MACROD2: variants seen among roughly 807,000 people sequenced by gnomAD.
MACROD2 encodes the protein ADP-ribose glycohydrolase MACROD2.
MACROD2 carries 36 observed loss-of-function variants against 70.4 expected under a neutral mutation model. The observed-to-expected ratio is 0.51, with a 90% CI of 0.39 to 0.68. The LOEUF is 0.68. MACROD2 is among the 30% of genes least tolerant of loss of function. The pLI, the probability that MACROD2 is intolerant of heterozygous loss-of-function variation, is 0.00. For synonymous variants in MACROD2, 172 were observed against 178.8 expected (o/e 0.96, Z 0.30); for missense variants, 496 against 538.4 (o/e 0.92, Z 0.78).
chr20:14,526,954 T>A (rs1788081844), intron 4 of MACROD2, among the ~76,000 whole-genome samples: 1 of 152,256 alleles, frequency 6.6e-6, no homozygotes, highest in Admixed American at 6.5e-5. Context: ...ATCCTGGGAC[T>A]CTTGCCTTGG....
intron 8 of MACROD2, among the ~76,000 whole-genome samples, chr20:15,826,365 A>G (rs1208494525): frequency 6.6e-6 from 1 of 152,182 alleles, no homozygotes; most frequent in African/African-American, 2.4e-5. Context: ...CTGAAAACAT[A>G]CTATGTGCTA....
intron 8 of MACROD2, among the ~76,000 whole-genome samples, chr20:15,795,537 A>G (rs1749417533): frequency 2.0e-5 from 3 of 152,104 alleles, no homozygotes; most frequent in African/African-American, 4.8e-5. Context: ...AGTGAATGCC[A>G]GCCGGGAATC....
chr20:15,885,896 ACAAAATAAG>A, intron 10 of MACROD2, 85 bp downstream of exon 10: 4 of 1,322,168 alleles, frequency 3.0e-6, no homozygotes, highest in Non-Finnish European at 4.0e-6. Flanking sequence ...TCAACGAAAG[ACAAAATAAG>A]ATTAATAAAA....
chr20:15,347,547 T>C (rs1024312063), intron 6 of MACROD2, among the ~76,000 whole-genome samples: 1 of 152,184 alleles, frequency 6.6e-6, no homozygotes, highest in African/African-American at 2.4e-5. Flanking sequence ...TTTCCCATGG[T>C]ACACATCATC....
At chr20:15,740,620 A>G (rs994560683) in intron 8 of MACROD2, among the ~76,000 whole-genome samples, 1 of 151,524 alleles carries the variant, frequency 6.6e-6, no homozygotes. Flanking sequence ...CTGCCACTCT[A>G]TTTGCCATTT....
chr20:15,227,790 C>T (rs574212377), intron 5 of MACROD2, among the ~76,000 whole-genome samples: 2 of 132,204 alleles, frequency 1.5e-5, no homozygotes, highest in South Asian at 2.5e-4. Context: ...TGAAGTCTTG[C>T]AGTAAGGTAA....
chr20:14,935,861 C>G (rs1346173929), intron 5 of MACROD2, among the ~76,000 whole-genome samples: 2 of 152,138 alleles, frequency 1.3e-5, no homozygotes, highest in Non-Finnish European at 2.9e-5. Context: ...TTTGTATTTT[C>G]TCTGTGTTGT....
At chr20:15,009,384 T>C (rs940477386) in intron 5 of MACROD2, among the ~76,000 whole-genome samples, 1 of 152,202 alleles carries the variant, frequency 6.6e-6, no homozygotes, top group Admixed American at 6.6e-5. Context: ...TGTGGGATTA[T>C]GGAAGCTTCT....
chr20:15,304,666 G>C (rs988695818), intron 6 of MACROD2, among the ~76,000 whole-genome samples: 1 of 152,068 alleles, frequency 6.6e-6, no homozygotes, highest in African/African-American at 2.4e-5. Flanking sequence ...AAAAGGACTG[G>C]CTCTCTAGCT....
intron 3 of MACROD2, among the ~76,000 whole-genome samples, chr20:14,416,937 T>C (rs1224395523): frequency 3.3e-5 from 5 of 152,214 alleles, no homozygotes; most frequent in African/African-American, 1.2e-4. Flanking sequence ...AGAGTCTCAC[T>C]TACCTGTTAG....
At chr20:15,135,734 G>A (rs2076142078) in intron 5 of MACROD2, among the ~76,000 whole-genome samples, 2 of 110,884 alleles carry the variant, frequency 1.8e-5, no homozygotes, top group African/African-American at 6.9e-5. Context: ...GCAGGAGAAG[G>A]AAATAAAGGG....
chr20:14,070,355 A>C (rs1430264960), intron 2 of MACROD2, among the ~76,000 whole-genome samples: 1 of 151,682 alleles, frequency 6.6e-6, no homozygotes, highest in African/African-American at 2.4e-5. Flanking sequence ...AATCTAGAAC[A>C]ATGATCAGAT....
chr20:14,113,644 G>A (rs531772712), intron 3 of MACROD2, among the ~76,000 whole-genome samples: 1 of 152,124 alleles, frequency 6.6e-6, no homozygotes, highest in Non-Finnish European at 1.5e-5. Flanking sequence ...AATCCAGTTC[G>A]TTTGGCAACT....
intron 10 of MACROD2, among the ~76,000 whole-genome samples, chr20:15,890,692 C>T (rs1486016822): frequency 6.6e-6 from 1 of 152,076 alleles, no homozygotes; most frequent in Non-Finnish European, 1.5e-5. Flanking sequence ...CAAAGCTTTG[C>T]AGTTTATAAT....
intron 6 of MACROD2, among the ~76,000 whole-genome samples, chr20:15,304,121 A>G (rs1002376653): frequency 3.3e-5 from 5 of 151,832 alleles, no homozygotes; most frequent in African/African-American, 4.8e-5. Flanking sequence ...TTCCCAATCT[A>G]TTTCTTATCT....
chr20:16,017,887 A>G (rs2147544189), intron 15 of MACROD2, among the ~76,000 whole-genome samples: 1 of 152,298 alleles, frequency 6.6e-6, no homozygotes, highest in South Asian at 2.1e-4. Flanking sequence ...CACCAGCCAC[A>G]TGGTGCTGAA....
At chr20:15,166,926 AAATTTAAGTATTT>A (rs1568612777) in intron 5 of MACROD2, among the ~76,000 whole-genome samples, 3 of 148,624 alleles carry the variant, frequency 2.0e-5, no homozygotes, top group Non-Finnish European at 3.0e-5. Context: ...TTTAAGTATT[AAATTTAAGTATTT>A]AATTTAAGTA....
chr20:14,618,871 TTGGCTCAGC>T (rs2123446511), intron 4 of MACROD2, among the ~76,000 whole-genome samples: 3 of 152,322 alleles, frequency 2.0e-5, no homozygotes, highest in Non-Finnish European at 4.4e-5. Context: ...AATGTCTTTA[TTGGCTCAGC>T]TGCTCATTAG....
rs186130353 is a variant in MACROD2, at chr20:14,839,731, G to T, written c.418+154772G>T. On this transcript the variant is annotated intron_variant, in intron 5 of 17. Transcript: ENST00000684519. ...AACTTATATTTGGAAGAGGAGAACT[G>T]ATTTTTGGATATTAGGAAAAAGAGA... 6.1e-3 allele frequency among the ~76,000 whole-genome samples: 925 copies of T among 152,128 alleles called. 20 individuals carry two copies. Among genetic ancestry groups the T allele is most frequent in the Non-Finnish European group, 5.4e-3 (367 of 67,956 alleles).
Sources: gnomAD v4.1 joint callset for allele counts (sites outside exome capture counted in the v4.1 genomes callset) on GRCh38, gnomAD v4.1.1 for gene constraint, MANE v1.5 for transcripts, NCBI Gene and HGNC (gene_info 2026-07-23, HGNC 2026-07-21) for gene names.